ESCO2: variants seen among roughly 807,000 people sequenced by gnomAD.
ESCO2 encodes N-acetyltransferase ESCO2.
In ESCO2, 51 loss-of-function variants were observed where a neutral mutation model predicts 61.7. The ratio of observed to expected loss-of-function variants is 0.83; its 90% CI spans 0.66 to 1.04. The LOEUF is 1.04. ESCO2 is among the 50% of genes least tolerant of loss of function. The pLI is 0.00. For missense variants in ESCO2, 692 were observed against 686.2 expected (o/e 1.01, Z -0.09); for synonymous variants, 230 against 238.2 (o/e 0.97, Z 0.32).
At chr8:27,817,061 T>C (rs532791871), downstream of ESCO2, among the ~76,000 whole-genome samples, 1 of 152,278 alleles carries the variant, frequency 6.6e-6, no homozygotes, top group African/African-American at 2.4e-5. Flanking sequence ...CCTACAGAAA[T>C]GCCTTCCCTG....
At chr8:27,794,773 C>T (rs1805257939) in intron 9 of ESCO2, among the ~76,000 whole-genome samples, 1 of 152,068 alleles carries the variant, frequency 6.6e-6, no homozygotes, top group African/African-American at 2.4e-5. Context: ...GATAAGTCTC[C>T]AATGTTATTC....
chr8:27,806,879 G>T (rs916760167), downstream of ESCO2, among the ~76,000 whole-genome samples: 4 of 152,060 alleles, frequency 2.6e-5, no homozygotes, highest in Admixed American at 6.6e-5. Context: ...GCCTCCCAAA[G>T]TCCTGGGATT....
At chr8:27,799,408 G>T in intron 9 of ESCO2, 133 bp from the exon 10 acceptor site, 1 of 968,616 alleles carries the variant, frequency 1.0e-6, no homozygotes. Flanking sequence ...AAGAATTTAA[G>T]AAATAGAAAA....
In ESCO2 at chr8:27,799,599, C is replaced by T. The variant is rs747103058; in HGVS notation, c.1556C>T (p.Pro519Leu). 6 of 1,613,724 alleles carry T rather than the reference C, an allele frequency of 3.7e-6. No homozygotes were observed. The highest frequency in any genetic ancestry group is 4.2e-6 in the Non-Finnish European group (5 of 1,179,974). Reference protein sequence around the residue: ...GPESPSSTECPRAWQCSDVPE... With the variant: ...GPESPSSTECLRAWQCSDVPE... Reference sequence around the variant, plus strand: ...GAATCCCCAAGCTCTACGGAATGTCCTAGGGCTTGGCAATGTTCAGATGTA... The same window carrying T: ...GAATCCCCAAGCTCTACGGAATGTCTTAGGGCTTGGCAATGTTCAGATGTA... Residue 519 changes from proline to leucine, a missense_variant, in exon 10 of 11, where the codon CCT (proline) becomes CTT (leucine). By Grantham distance (98) the Pro-to-Leu change is moderately conservative. Transcript: ENST00000305188.
At position 27,799,549 on chromosome 8, in the gene ESCO2, T is replaced by C. The variant is rs1805376947; in HGVS notation, c.1506T>C (p.Arg502=). The change falls in exon 10 of 11, where the codon CGT becomes CGC. Residue 502 remains arginine, a synonymous_variant. Coordinates refer to ENST00000305188, the MANE Select transcript of ESCO2 (RefSeq NM_001017420.3). ...LIAEPIKQAF[R]VLSEPIGPES... ...TCTGTATATCATTGCAGGCATTTCGTGTCCTGTCTGAACCAATTGGTCCAG... is the reference window on the plus strand; with the variant it reads ...TCTGTATATCATTGCAGGCATTTCGCGTCCTGTCTGAACCAATTGGTCCAG... The C allele has an allele frequency of 6.2e-7, 1 of 1,613,944 alleles. No homozygotes were observed. The highest frequency in any genetic ancestry group is 1.3e-5 in the African/African-American group (1 of 74,908).
chr8:27,788,492 T>C (rs1461722655), intron 6 of ESCO2, among the ~76,000 whole-genome samples: 1 of 151,694 alleles, frequency 6.6e-6, no homozygotes, highest in Non-Finnish European at 1.5e-5. Context: ...TTCCCTTTCA[T>C]CAATTTATTG....
downstream of ESCO2, chr8:27,811,035 G>A: frequency 6.2e-7 from 1 of 1,612,788 alleles, no homozygotes; most frequent in Non-Finnish European, 8.5e-7. Context: ...AAGGCCAAAG[G>A]CAAATATGTC....
chr8:27,775,501 AT>A lies in ESCO2; in HGVS notation c.-12del, dbSNP rs775127606. The A allele has an allele frequency of 4.3e-6, 7 of 1,613,136 alleles. No homozygotes were observed. The African/African-American group carries it at 8.0e-5, about 18-fold the overall frequency. ...GTGGTTATTGTCATTTCTTTTAGGA[AT>A]TCAATAAAGAAAATGGCAGCTCTTA... On this transcript the variant is annotated 5_prime_UTR_variant, in exon 2 of 11. Transcript: ENST00000305188.
rs779412584 is a variant in ESCO2, at chr8:27,780,147, T to G, written c.862-27T>G. 23 of 1,367,956 alleles carry G rather than the reference T, an allele frequency of 1.7e-5. No homozygotes were observed. The East Asian group carries it at 5.3e-4, about 31-fold the overall frequency. The allele number at this position is 1,367,956 out of a possible 1,614,324, so 84.7% of individuals were successfully genotyped here. A position where few individuals can be genotyped will look rare whatever the true frequency, so the allele number is the denominator to read the frequency against. On this transcript the variant is annotated intron_variant, in intron 3 of 10. Coordinates refer to ENST00000305188, the MANE Select transcript of ESCO2 (RefSeq NM_001017420.3). ...AAAATAGTTAAAAATTACAGATGTT[T>G]GGTTTTTTTTTTAAACCTATTTTCA... is the stretch of plus-strand genomic sequence containing the variant.
intron 5 of ESCO2, among the ~76,000 whole-genome samples, chr8:27,784,624 C>T (rs1009246785): frequency 7.2e-5 from 11 of 152,086 alleles, no homozygotes; most frequent in Non-Finnish European, 1.5e-4. Flanking sequence ...CTTGCAGCAG[C>T]TTAATGTTAT....
chr8:27,776,272 A>G, intron 2 of ESCO2, 90 bp from the exon 3 acceptor site: 1 of 1,073,520 alleles, frequency 9.3e-7, no homozygotes, highest in Non-Finnish European at 1.4e-6. Flanking sequence ...TGTTTTTAAT[A>G]TGACCTACAA....
downstream of ESCO2, among the ~76,000 whole-genome samples, chr8:27,816,867 A>G (rs941518117): frequency 6.6e-6 from 1 of 152,044 alleles, no homozygotes. Flanking sequence ...GATATATGGT[A>G]TTCTATTGTG....
Position 27,804,575 on chromosome 8 carries a change from A to T in ESCO2, c.*1137A>T. 1 of 985,412 alleles carries T rather than the reference A, an allele frequency of 1.0e-6. No homozygotes were observed. Among genetic ancestry groups the T allele is most frequent in the Non-Finnish European group, 1.2e-6 (1 of 829,894 alleles). The allele number at this position is 985,412 out of a possible 1,614,324, so 61.0% of individuals were successfully genotyped here. ...TCTTGGATACTTTAAAAAGCAAAAC[A>T]TTGTTCAAATTGTTTTGATTCTGAA... is the stretch of plus-strand genomic sequence containing the variant. On this transcript the variant is annotated 3_prime_UTR_variant, in exon 11 of 11. Transcript: ENST00000305188.
At chr8:27,778,495 T>C (rs772203118) in intron 3 of ESCO2, 2 of 152,370 alleles carry the variant, frequency 1.3e-5, no homozygotes, top group Non-Finnish European at 2.9e-5. Flanking sequence ...TATCAAAATG[T>C]ATTAAACTGT....
At chr8:27,813,517 A>AATT (rs1169936361), downstream of ESCO2, among the ~76,000 whole-genome samples, 11 of 152,140 alleles carry the variant, frequency 7.2e-5, no homozygotes, top group Non-Finnish European at 1.5e-4. Context: ...ATAATTAACA[A>AATT]ATTATATATG....
chr8:27,785,100 C>T (rs531963486), intron 5 of ESCO2, among the ~76,000 whole-genome samples: 2 of 152,302 alleles, frequency 1.3e-5, no homozygotes, highest in South Asian at 2.1e-4. Context: ...CTGAGAAGTT[C>T]GAGATCAAGC....
intron 10 of ESCO2, among the ~76,000 whole-genome samples, chr8:27,801,137 C>T (rs11136008): frequency 0.26 from 39,800 of 152,018 alleles, 6,195 homozygotes; most frequent in Middle Eastern, 0.36. Flanking sequence ...TTTTAATTCC[C>T]ATGTACACAC....
intron 9 of ESCO2, among the ~76,000 whole-genome samples, chr8:27,798,461 T>TA (rs34991890): frequency 0.051 from 7,498 of 146,210 alleles, 203 homozygotes; most frequent in East Asian, 0.1. Context: ...TCCGTCTCTT[T>TA]AAAAAAAAAA....
chr8:27,816,525 C>G (rs979222208), downstream of ESCO2, among the ~76,000 whole-genome samples: 4 of 151,310 alleles, frequency 2.6e-5, no homozygotes, highest in Non-Finnish European at 4.4e-5. Flanking sequence ...TACAGCTGCC[C>G]GCCACCACGC....
Sources: allele counts gnomAD v4.1 joint callset (sites outside exome capture counted in the v4.1 genomes callset), GRCh38; gene constraint gnomAD v4.1.1; transcripts MANE v1.5; gene names NCBI Gene and HGNC (gene_info 2026-07-23, HGNC 2026-07-21).